RNPEPL1: variants seen among roughly 807,000 people sequenced by gnomAD.
The protein encoded by RNPEPL1 is aminopeptidase RNPEPL1.
In RNPEPL1, 46 loss-of-function variants were observed where a neutral mutation model predicts 69.0. The ratio of observed to expected loss-of-function variants is 0.67; its 90% CI spans 0.53 to 0.85. The LOEUF is 0.85. Among genes scored for constraint, RNPEPL1 ranks in the 40% least tolerant of loss-of-function variants. The pLI is 0.00. For synonymous variants in RNPEPL1, 525 were observed against 454.1 expected (o/e 1.16, Z -1.98); for missense variants, 869 against 992.5 (o/e 0.88, Z 1.67).
chr2:240,569,242 T>C (rs1239625682), intron 1 of RNPEPL1, 128 bp downstream of exon 1: 2 of 1,012,338 alleles, frequency 2.0e-6, no homozygotes, highest in African/African-American at 4.4e-5. Context: ...CCCACCCCGG[T>C]GATTCCCAGC....
intron 2 of RNPEPL1, 45 bp from the exon 3 acceptor site, chr2:240,573,065 G>A (rs781443721): frequency 3.2e-6 from 5 of 1,544,102 alleles, no homozygotes; most frequent in East Asian, 4.6e-5. Context: ...GGCTATGGGT[G>A]TGCTGACGGT....
chr2:240,578,374 C>T lies in RNPEPL1; in HGVS notation c.*482C>T. Reference sequence around the variant, plus strand: ...CCCTGGGGTTGGCAGCCTCAGTTGGCCCCTGGCAGAGGAACAAGGACACAG... The same window carrying T: ...CCCTGGGGTTGGCAGCCTCAGTTGGTCCCTGGCAGAGGAACAAGGACACAG... On this transcript the variant is annotated 3_prime_UTR_variant, in exon 11 of 11. Transcript: ENST00000270357. The T allele has an allele frequency of 6.5e-6, 1 of 153,958 alleles. No homozygotes were observed. Among genetic ancestry groups the T allele is most frequent in the Non-Finnish European group, 1.4e-5 (1 of 69,226 alleles). 9.5% of individuals were successfully genotyped at this position (153,958 alleles called of 1,614,324 possible). A position where few individuals can be genotyped will look rare whatever the true frequency, so the allele number is the denominator to read the frequency against.
At chr2:240,570,726 C>T (rs527782173) in intron 1 of RNPEPL1, among the ~76,000 whole-genome samples, 21 of 152,212 alleles carry the variant, frequency 1.4e-4, no homozygotes, top group Non-Finnish European at 2.1e-4. Context: ...CCTGCAGCGT[C>T]TGGAGCCCTT....
chr2:240,577,121 A>T, intron 10 of RNPEPL1, 131 bp downstream of exon 10: 1 of 1,208,014 alleles, frequency 8.3e-7, no homozygotes, highest in South Asian at 1.4e-5. Context: ...GGGAAGACGT[A>T]GGGGTCTGTT....
chr2:240,574,961 C>T (rs905822012), intron 6 of RNPEPL1, 69 bp from the exon 7 acceptor site: 6 of 1,189,996 alleles, frequency 5.0e-6, no homozygotes, highest in African/African-American at 1.5e-5. Context: ...AGCCTGACCA[C>T]TGCCCCTCCC....
At chr2:240,571,166 C>T (rs929184265) in intron 1 of RNPEPL1, among the ~76,000 whole-genome samples, 1 of 152,162 alleles carries the variant, frequency 6.6e-6, no homozygotes, top group Non-Finnish European at 1.5e-5. Context: ...CAGCCCAGGG[C>T]TCAGCAGGAA....
At position 240,577,128 on chromosome 2, in the gene RNPEPL1, T is replaced by C. The variant is rs1343474323; in HGVS notation, c.1884+138T>C. 3.7e-6 allele frequency: 4 copies of C among 1,087,570 alleles called. No individual in the cohort carries two copies. The African/African-American group carries it at 4.7e-5, about 13-fold the overall frequency. 67.4% of individuals were successfully genotyped at this position (1,087,570 alleles called of 1,614,324 possible). On this transcript the variant is annotated intron_variant, in intron 10 of 10. Transcript: ENST00000270357. ...ATGGGGCGGGGAAGACGTAGGGGTC[T>C]GTTGGGAGTGGGGGCATGCACCGGG...
intron 7 of RNPEPL1, 105 bp from the exon 8 acceptor site, chr2:240,575,397 C>T (rs980239703): frequency 1.0e-6 from 1 of 1,001,632 alleles, no homozygotes. Context: ...CCCCTGTGCC[C>T]AGCACGTACC....
intron 8 of RNPEPL1, chr2:240,575,831 G>A: frequency 1.7e-6 from 1 of 573,230 alleles, no homozygotes; most frequent in Non-Finnish European, 3.1e-6. Context: ...AGGCTAAGCA[G>A]GCCGAGTCAG....
Position 240,575,663 on chromosome 2 carries a change from C to T in RNPEPL1, c.1510+53C>T, listed in dbSNP as rs1340065140. 4.3e-5 allele frequency: 62 copies of T among 1,448,824 alleles called. 1 individual carries two copies. In the East Asian group the frequency reaches 1.2e-3, roughly 27 times the overall value. 89.7% of individuals were successfully genotyped at this position (1,448,824 alleles called of 1,614,324 possible). ...AGGGAGCCGTGGGTATGATGGCAGG[C>T]GGGGCCTCTGCTGCCTGAGGGGCCA... is the stretch of plus-strand genomic sequence containing the variant. On this transcript the variant is annotated intron_variant, in intron 8 of 10. Transcript: ENST00000270357.
At chr2:240,573,564 T>C (rs1169482259) in intron 3 of RNPEPL1, among the ~76,000 whole-genome samples, 4 of 152,214 alleles carry the variant, frequency 2.6e-5, no homozygotes, top group Non-Finnish European at 5.9e-5. Context: ...TAAAATGAGC[T>C]ACGTGGCCCC....
chr2:240,576,948 C>G lies in RNPEPL1; in HGVS notation c.1842C>G (p.Tyr614Ter). The G allele has an allele frequency of 6.2e-7, 1 of 1,613,514 alleles. No individual in the cohort carries two copies. The highest frequency in any genetic ancestry group is 8.5e-7 in the Non-Finnish European group (1 of 1,179,982). The change falls in exon 10 of 11, where the codon TAC becomes TAG. Residue 614 changes from tyrosine (Y) to a stop codon, truncating the protein, a stop_gained. Coordinates refer to ENST00000270357, the MANE Select transcript of RNPEPL1 (RefSeq NM_018226.6). LOFTEE classifies it high-confidence loss of function. Reference protein sequence around the residue: ...RWLQIVVRNDYYPDLHRVRRF... With the variant: ...RWLQIVVRND ...TGCAGATTGTGGTCCGCAACGACTA[C>G]TATCCTGACCTCCACAGGGTGCGGC... is the stretch of plus-strand genomic sequence containing the variant.
rs138990862 is a variant in RNPEPL1 at position 240,575,539 on chromosome 2, C to T, written c.1439C>T (p.Ala480Val). ...VEKYKFTSVV[A>V]QDLLDSFLSF... ...AAGTACAAGTTCACCAGCGTGGTGG[C>T]CCAGGACCTGCTGGACTCCTTCCTG... Residue 480 changes from alanine to valine, a missense_variant, in exon 8 of 11, where the codon GCC becomes GTC. This residue lies in a region of RNPEPL1 where 610 missense variants were observed against 790.9 expected (regional missense o/e 0.77). Coordinates refer to ENST00000270357, the MANE Select transcript of RNPEPL1 (RefSeq NM_018226.6). 1 of 1,613,454 alleles carries T rather than the reference C, an allele frequency of 6.2e-7. No individual in the cohort carries two copies. Among genetic ancestry groups the T allele is most frequent in the African/African-American group, 1.3e-5 (1 of 74,936 alleles).
chr2:240,572,978 T>C (rs2093026269), intron 2 of RNPEPL1, 132 bp from the exon 3 acceptor site: 6 of 1,111,884 alleles, frequency 5.4e-6, no homozygotes, highest in Non-Finnish European at 7.5e-6. Context: ...AGAAGTTCTC[T>C]GACAGAAACG....
rs1261168738 is a variant in RNPEPL1 at position 240,578,606 on chromosome 2, G to A, written c.*714G>A. 1 of 152,604 alleles carries A rather than the reference G, an allele frequency of 6.6e-6. No individual in the cohort carries two copies. Among genetic ancestry groups the A allele is most frequent in the Non-Finnish European group, 1.5e-5 (1 of 68,260 alleles). The allele number at this position is 152,604 out of a possible 1,614,324, so 9.5% of individuals were successfully genotyped here. On this transcript the variant is annotated 3_prime_UTR_variant, in exon 11 of 11. Transcript: ENST00000270357. Reference sequence around the variant, plus strand: ...AATACCCCAGGGAAAGTGGGAGGTGGTGCTGGTGCTCTCTCCAGGCCCACC... The same window carrying A: ...AATACCCCAGGGAAAGTGGGAGGTGATGCTGGTGCTCTCTCCAGGCCCACC...
chr2:240,573,050 G>T, intron 2 of RNPEPL1, 60 bp from the exon 3 acceptor site: 1 of 1,495,382 alleles, frequency 6.7e-7, no homozygotes, highest in Non-Finnish European at 9.0e-7. Flanking sequence ...AGGCTCCCCG[G>T]CCGGGGCTAT....
At chr2:240,573,696 C>T (rs2093029183) in intron 3 of RNPEPL1, 79 bp from the exon 4 acceptor site, 7 of 1,244,204 alleles carry the variant, frequency 5.6e-6, no homozygotes, top group Admixed American at 4.8e-5. Flanking sequence ...TACTGGAGCC[C>T]CAGGGCAGTG....
intron 1 of RNPEPL1, among the ~76,000 whole-genome samples, chr2:240,570,940 G>GT (rs1362847030): frequency 6.6e-6 from 1 of 152,194 alleles, no homozygotes; most frequent in Non-Finnish European, 1.5e-5. Context: ...ACATGGGGCA[G>GT]TAGGGAGAGG....
In RNPEPL1 at chr2:240,568,577, G is replaced by A; in HGVS notation, c.-10G>A. 2 of 978,310 alleles carry A rather than the reference G, an allele frequency of 2.0e-6. No homozygotes were observed. Among genetic ancestry groups the A allele is most frequent in the South Asian group, 9.1e-5 (2 of 21,938 alleles). The allele number at this position is 978,310 out of a possible 1,614,324, so 60.6% of individuals were successfully genotyped here. ...CCGCCGCCCATGGATTTCACCTAGT[G>A]CCGGCGGCCATGGCCGCGCAGTGCT... On this transcript the variant is annotated 5_prime_UTR_variant, in exon 1 of 11. Coordinates refer to ENST00000270357, the MANE Select transcript of RNPEPL1 (RefSeq NM_018226.6). The surrounding 1 kb of genome is among the most constrained non-coding windows in gnomAD (Gnocchi z 6.2).
Sources: gnomAD v4.1 joint callset for allele counts (sites outside exome capture counted in the v4.1 genomes callset) on GRCh38, gnomAD v4.1.1 for gene constraint, gnomAD v4.1.1 regional missense constraint, Gnocchi (gnomAD v3.1) non-coding constraint, MANE v1.5 for transcripts, NCBI Gene and HGNC (gene_info 2026-07-23, HGNC 2026-07-21) for gene names.